The following BSN variants were observed in gnomAD, a reference collection of about 807,000 sequenced individuals.
BSN encodes the protein protein bassoon.
Under a neutral mutation model 264.8 loss-of-function variants are expected in BSN, and 57 were observed. That is an observed-to-expected ratio of 0.22 (90% confidence interval 0.17 to 0.27). The LOEUF is 0.27. Ranked by LOEUF, BSN falls within the 10% of genes least tolerant of loss-of-function variation. BSN has a pLI of 1.00. For missense variants in BSN, 4,615 were observed against 5,232.5 expected (o/e 0.88, Z 3.64); for synonymous variants, 2,059 against 2,137.3 (o/e 0.96, Z 1.01).
intron 1 of BSN, among the ~76,000 whole-genome samples, chr3:49,599,247 T>C (rs1162519518): frequency 6.6e-6 from 1 of 151,904 alleles, no homozygotes; most frequent in Non-Finnish European, 1.5e-5. Context: ...CCTTACATCC[T>C]GCTCTGATTG....
At chr3:49,632,170 T>C (rs1430136928) in intron 2 of BSN, among the ~76,000 whole-genome samples, 2 of 152,086 alleles carry the variant, frequency 1.3e-5, no homozygotes, top group Non-Finnish European at 2.9e-5. Context: ...TATACAAAAA[T>C]TAACTCAAAA....
intron 1 of BSN, among the ~76,000 whole-genome samples, chr3:49,578,197 G>C (rs917185653): frequency 6.6e-6 from 1 of 151,994 alleles, no homozygotes; most frequent in Non-Finnish European, 1.5e-5. Context: ...GACCGTCCTT[G>C]TTGCCCACCT....
Position 49,652,541 on chromosome 3 carries a change from T to G in BSN, c.2985T>G (p.Ser995=). 1.2e-6 allele frequency: 2 copies of G among 1,613,498 alleles called. No individual in the cohort carries two copies. Among genetic ancestry groups the G allele is most frequent in the Non-Finnish European group, 1.7e-6 (2 of 1,179,954 alleles). ...ASTPSYTSGT[S]PTSLSSLEED... ...CACCCAGCTACACCTCGGGCACCTC[T>G]CCCACCTCTCTGTCCTCCCTAGAGG... is the stretch of plus-strand genomic sequence containing the variant. Residue 995 remains serine, a synonymous_variant, in exon 5 of 12, where the codon TCT becomes TCG. Coordinates refer to ENST00000296452, the MANE Select transcript of BSN (RefSeq NM_003458.4).
intron 1 of BSN, among the ~76,000 whole-genome samples, chr3:49,592,394 C>A (rs1490820777): frequency 6.8e-6 from 1 of 148,014 alleles, no homozygotes; most frequent in East Asian, 2.1e-4. Flanking sequence ...CAGGCGTGAG[C>A]CACCGTGCCC....
rs745649866 is a variant in BSN, at chr3:49,642,406, C to G, written c.772C>G (p.Leu258Val). The G allele has an allele frequency of 3.2e-5, 51 of 1,601,590 alleles. No homozygotes were observed. The South Asian group carries it at 5.7e-4, about 18-fold the overall frequency. ...SPAHSPAKQP[L>V]GKPDQERSRG... ...TGCCCACTCCCCGGCCAAACAGCCC[C>G]TGGGGAAGCCAGACCAAGAGAGATC... is the stretch of plus-strand genomic sequence containing the variant. Residue 258 changes from leucine (L) to valine (V), a missense_variant, in exon 3 of 12, where the codon CTG becomes GTG. Leu to Val is a conservative substitution (Grantham distance 32). Transcript: ENST00000296452. This position sits in a 1 kb window ranked among gnomAD's most constrained non-coding sequence, Gnocchi z 7.0.
At chr3:49,573,657 G>GTTT (rs965564780) in intron 1 of BSN, among the ~76,000 whole-genome samples, 1 of 141,864 alleles carries the variant, frequency 7.0e-6, no homozygotes, top group Non-Finnish European at 1.5e-5. Context: ...TTTCTCTCTG[G>GTTT]TTTTTTTTTT....
At chr3:49,598,761 A>G (rs2052046588) in intron 1 of BSN, among the ~76,000 whole-genome samples, 1 of 152,220 alleles carries the variant, frequency 6.6e-6, no homozygotes, top group African/African-American at 2.4e-5. Context: ...AAAACTGTGT[A>G]CGAAGCAAAG....
intron 1 of BSN, among the ~76,000 whole-genome samples, chr3:49,606,233 T>A (rs1229320165): frequency 4.0e-5 from 3 of 75,906 alleles, no homozygotes; most frequent in African/African-American, 1.1e-4. Context: ...TATACATATA[T>A]TATATATGTA....
chr3:49,613,428 G>A (rs2052228080), intron 1 of BSN, among the ~76,000 whole-genome samples: 1 of 148,418 alleles, frequency 6.7e-6, no homozygotes, highest in Non-Finnish European at 1.5e-5. Flanking sequence ...AAGTCCTGAG[G>A]GAGAGAAAGT....
At chr3:49,575,446 GTGTGTATATATGTAAATATATATA>G (rs2051837059) in intron 1 of BSN, among the ~76,000 whole-genome samples, 5 of 146,824 alleles carry the variant, frequency 3.4e-5, no homozygotes, top group Non-Finnish European at 7.5e-5. Flanking sequence ...AAATATATAT[GTGTGTATATATGTAAATATATATA>G]TGTGTATATA....
chr3:49,663,801 G>T lies in BSN; in HGVS notation c.11523G>T (p.Gln3841His), dbSNP rs746335182. 2.5e-6 allele frequency: 4 copies of T among 1,614,082 alleles called. No homozygotes were observed. In the African/African-American group the frequency reaches 5.3e-5, roughly 22 times the overall value. ...PQPAGPPRAE[Q>H]TNGSKGTAKA... is the part of the protein sequence containing the mutation. ...CTGTGTTGCAGCCACGGGCAGAACA[G>T]ACAAATGGCTCTAAAGGGACAGCCA... The change falls in exon 8 of 12, where the codon CAG (glutamine) becomes CAT (histidine). Residue 3841 changes from glutamine (Q) to histidine (H), a missense_variant. Gln to His is a conservative substitution (Grantham distance 24, BLOSUM62 0). Around this residue, in one of 3 missense-constraint regions of BSN, gnomAD observed 3,415 missense variants for 3,866.4 expected, o/e 0.88. Coordinates refer to ENST00000296452, the MANE Select transcript of BSN (RefSeq NM_003458.4).
At chr3:49,602,196 T>C (rs1330665340) in intron 1 of BSN, among the ~76,000 whole-genome samples, 2 of 152,214 alleles carry the variant, frequency 1.3e-5, no homozygotes, top group Non-Finnish European at 2.9e-5. Context: ...GAACATCCAT[T>C]GCAGGGTGAT....
chr3:49,661,411 A>C lies in BSN; in HGVS notation c.9566A>C (p.Tyr3189Ser). 1 of 1,613,802 alleles carries C rather than the reference A, an allele frequency of 6.2e-7. No individual in the cohort carries two copies. The highest frequency in any genetic ancestry group is 8.5e-7 in the Non-Finnish European group (1 of 1,180,000). Residue 3189 changes from tyrosine to serine, a missense_variant, in exon 6 of 12, where the codon TAT (tyrosine) becomes TCT (serine). Physicochemically the swap from Tyr to Ser is moderately radical, Grantham distance 144. Coordinates refer to ENST00000296452, the MANE Select transcript of BSN (RefSeq NM_003458.4). ...SYSGPAVSSGYEQGKVPEVPR... is the reference protein window; with the variant it reads ...SYSGPAVSSGSEQGKVPEVPR... ...AGTGGCCCAGCAGTGAGCAGCGGCT[A>C]TGAGCAGGGCAAGGTCCCTGAGGTG...
In BSN at chr3:49,638,570, C is replaced by A; in HGVS notation, c.634-3698C>A. ...CCTGGGAGGGGCTGTGGGGAGGGTG[C>A]GGTCAAGGTTCCTTACCGTCTGGAA... On this transcript the variant is annotated intron_variant, in intron 2 of 11. Coordinates refer to ENST00000296452, the MANE Select transcript of BSN (RefSeq NM_003458.4). This position sits in a 1 kb window ranked among gnomAD's most constrained non-coding sequence, Gnocchi z 4.3. 6.6e-6 allele frequency among the ~76,000 whole-genome samples: 1 copy of A among 152,274 alleles called. No homozygotes were observed. The highest frequency in any genetic ancestry group is 1.9e-4 in the East Asian group (1 of 5,176).
intron 2 of BSN, among the ~76,000 whole-genome samples, chr3:49,639,193 CTTTT>C (rs892871466): frequency 5.0e-5 from 7 of 139,454 alleles, no homozygotes; most frequent in South Asian, 2.2e-4. Flanking sequence ...TTCTTTCTTT[CTTTT>C]TCTTTTTTTT....
At position 49,617,283 on chromosome 3, in the gene BSN, T is replaced by TTATATATATATA. The variant is rs6147817; in HGVS notation, c.225-7667_225-7656dup. On this transcript the variant is annotated intron_variant, in intron 1 of 11. Coordinates refer to ENST00000296452, the MANE Select transcript of BSN (RefSeq NM_003458.4). ...AAAGTAAAATAAAAAATAAAATACA[T>TTATATATATATA]TATATATATATATATATATATATAT... 5.8e-3 allele frequency among the ~76,000 whole-genome samples: 701 copies of TTATATATATATA among 121,454 alleles called. 5 individuals are homozygous for TTATATATATATA. Among genetic ancestry groups the TTATATATATATA allele is most frequent in the Non-Finnish European group, 9.0e-3 (506 of 56,404 alleles). 79.7% of individuals were successfully genotyped at this position (121,454 alleles called of 152,430 possible).
At chr3:49,615,682 A>G (rs1425215755) in intron 1 of BSN, among the ~76,000 whole-genome samples, 1 of 152,040 alleles carries the variant, frequency 6.6e-6, no homozygotes, top group Non-Finnish European at 1.5e-5. Flanking sequence ...TTTTATGGAG[A>G]TCCTTACCTT....
Position 49,657,613 on chromosome 3 carries a change from C to T in BSN, c.8057C>T (p.Pro2686Leu), listed in dbSNP as rs146811984. Residue 2686 changes from proline (P) to leucine (L), a missense_variant, in exon 5 of 12, where the codon CCA becomes CTA. This residue lies in a region of BSN where 3,415 missense variants were observed against 3,866.4 expected (regional missense o/e 0.88). Transcript: ENST00000296452. ...CCTGACCAGCTGCCCAGGGTCTCTCCAGCCATCCACATCACAGCTGCCACC... is the reference window on the plus strand; with the variant it reads ...CCTGACCAGCTGCCCAGGGTCTCTCTAGCCATCCACATCACAGCTGCCACC... The part of the protein sequence containing the change: ...TEPDQLPRVS[P>L]AIHITAATDP... 6.2e-7 allele frequency: 1 copy of T among 1,606,640 alleles called. No homozygotes were observed. The highest frequency in any genetic ancestry group is 8.5e-7 in the Non-Finnish European group (1 of 1,175,210).
At chr3:49,563,360 T>C (rs1015179240) in intron 1 of BSN, among the ~76,000 whole-genome samples, 2 of 152,214 alleles carry the variant, frequency 1.3e-5, no homozygotes, top group Non-Finnish European at 2.9e-5. Context: ...TTCTCAGCTG[T>C]GCTCGGCTGC....
Sources: gnomAD v4.1 joint callset for allele counts (sites outside exome capture counted in the v4.1 genomes callset) on GRCh38, gnomAD v4.1.1 for gene constraint, gnomAD v4.1.1 regional missense constraint, Gnocchi (gnomAD v3.1) non-coding constraint, MANE v1.5 for transcripts, NCBI Gene and HGNC (gene_info 2026-07-23, HGNC 2026-07-21) for gene names.